PDE1A: variants seen among roughly 807,000 people sequenced by gnomAD.
PDE1A encodes the protein dual specificity calcium/calmodulin-dependent 3',5'-cyclic nucleotide phosphodiesterase 1A.
Under a neutral mutation model 61.7 loss-of-function variants are expected in PDE1A, and 35 were observed. That is an observed-to-expected ratio of 0.57 (90% confidence interval 0.43 to 0.75). The LOEUF (loss-of-function observed/expected upper bound fraction) is 0.75. PDE1A is among the 30% of genes least tolerant of loss of function. PDE1A has a pLI of 0.00. For missense variants in PDE1A, 597 were observed against 630.6 expected, an observed-to-expected ratio of 0.95 and a Z score of 0.57; for synonymous variants, 232 against 213.2, an observed-to-expected ratio of 1.09 and a Z score of -0.77.
chr2:182,627,070 T>G, the PDE1A span, among the ~76,000 whole-genome samples: 47 of 3,984 alleles, frequency 0.012, 8 homozygotes, highest in African/African-American at 0.034. Flanking sequence ...AATATATTAT[T>G]TATATATAAT....
chr2:182,573,790 A>G, the PDE1A span, among the ~76,000 whole-genome samples: 1 of 149,442 alleles, frequency 6.7e-6, no homozygotes, highest in Non-Finnish European at 1.5e-5. Context: ...CATATAATAT[A>G]TAAAATTCTA....
the PDE1A span, among the ~76,000 whole-genome samples, chr2:182,608,341 C>G: frequency 1.3e-5 from 2 of 152,390 alleles, no homozygotes; most frequent in East Asian, 1.9e-4. Flanking sequence ...GGCTCGCTCT[C>G]GGCGCCTCCT....
chr2:182,247,003 G>A (rs956878211), intron 2 of PDE1A, among the ~76,000 whole-genome samples: 34 of 152,146 alleles, frequency 2.2e-4, no homozygotes, highest in African/African-American at 7.7e-4. Flanking sequence ...GGATGGAAAT[G>A]GTAGAAGTTT....
chr2:182,421,519 T>C (rs1703277904), intron 1 of PDE1A, among the ~76,000 whole-genome samples: 1 of 152,252 alleles, frequency 6.6e-6, no homozygotes, highest in South Asian at 2.1e-4. Flanking sequence ...CAACACTTGC[T>C]ACTGCTGCTG....
the PDE1A span, among the ~76,000 whole-genome samples, chr2:182,536,503 T>C: frequency 1.3e-5 from 2 of 152,166 alleles, no homozygotes; most frequent in African/African-American, 4.8e-5. Flanking sequence ...CAAAACCTGA[T>C]TGATCAGCAG....
At chr2:182,374,871 A>G (rs975146234) in intron 1 of PDE1A, among the ~76,000 whole-genome samples, 5 of 152,222 alleles carry the variant, frequency 3.3e-5, no homozygotes, top group African/African-American at 1.2e-4. Context: ...ACAGTTGCAT[A>G]TGGCTGGGGA....
At chr2:182,517,769 G>A (rs1423168726) in intron 2 of PDE1A, among the ~76,000 whole-genome samples, 1 of 152,080 alleles carries the variant, frequency 6.6e-6, no homozygotes, top group Non-Finnish European at 1.5e-5. Flanking sequence ...TCCTGATAAG[G>A]AAATGCCCTG....
the PDE1A span, among the ~76,000 whole-genome samples, chr2:182,585,425 A>C: frequency 6.6e-6 from 1 of 152,216 alleles, no homozygotes; most frequent in East Asian, 1.9e-4. Flanking sequence ...GAACCACAGA[A>C]AGTGATCGTA....
intron 1 of PDE1A, among the ~76,000 whole-genome samples, chr2:182,365,287 T>C (rs1167153614): frequency 1.3e-5 from 2 of 151,992 alleles, no homozygotes; most frequent in South Asian, 2.1e-4. Context: ...ACGGTGAATA[T>C]AGGTGATTCC....
downstream of PDE1A, chr2:182,143,152 G>A (rs1690308396): frequency 6.6e-6 from 1 of 152,140 alleles, no homozygotes; most frequent in Non-Finnish European, 1.5e-5. Flanking sequence ...ATCAGTTCAA[G>A]GGTCTACTGT....
the PDE1A span, among the ~76,000 whole-genome samples, chr2:182,670,565 T>A: frequency 6.6e-6 from 1 of 152,198 alleles, no homozygotes; most frequent in Non-Finnish European, 1.5e-5. Context: ...GGGGATCTTG[T>A]TAATATTCCT....
At chr2:182,624,249 A>C in the PDE1A span, among the ~76,000 whole-genome samples, 1 of 152,192 alleles carries the variant, frequency 6.6e-6, no homozygotes, top group Non-Finnish European at 1.5e-5. Context: ...CTCCTGATTT[A>C]AAATACGTAA....
intron 1 of PDE1A, among the ~76,000 whole-genome samples, chr2:182,422,565 G>T (rs1352387297): frequency 6.6e-6 from 1 of 152,120 alleles, no homozygotes; most frequent in Non-Finnish European, 1.5e-5. Context: ...TATCACAAGG[G>T]AATATAGAAA....
At chr2:182,641,561 T>A in the PDE1A span, among the ~76,000 whole-genome samples, 1 of 152,168 alleles carries the variant, frequency 6.6e-6, no homozygotes, top group Non-Finnish European at 1.5e-5. Context: ...TTCATCTCAT[T>A]TATAAAATGA....
intron 7 of PDE1A, among the ~76,000 whole-genome samples, chr2:182,214,407 C>T (rs1314144679): frequency 1.3e-5 from 2 of 151,724 alleles, no homozygotes; most frequent in Admixed American, 6.6e-5. Flanking sequence ...CAAATTCACA[C>T]ATAACAATAT....
Position 182,508,609 on chromosome 2 carries a change from C to T in PDE1A, c.101+13667G>A, listed in dbSNP as rs188923053. On this transcript the variant is annotated intron_variant, in intron 2 of 14. Coordinates refer to the PDE1A transcript ENST00000410103. ...ACTGAATAACAGAATACCTAAGGAG[C>T]CACAAATAAACATCAACAAGTAAAA... is the stretch of plus-strand genomic sequence containing the variant. Among the ~76,000 whole-genome samples the T allele has an allele frequency of 3.8e-3, 574 of 151,516 alleles. 2 individuals carry two copies. The highest frequency in any genetic ancestry group is 0.037 in the Middle Eastern group (11 of 294).
intron 2 of PDE1A, among the ~76,000 whole-genome samples, chr2:182,456,739 T>A (rs983555477): frequency 6.6e-6 from 1 of 152,082 alleles, no homozygotes; most frequent in Non-Finnish European, 1.5e-5. Context: ...CAATCTTTTA[T>A]CAATATGTAC....
chr2:182,164,275 C>T (rs1691534823), downstream of PDE1A, among the ~76,000 whole-genome samples: 1 of 152,106 alleles, frequency 6.6e-6, no homozygotes, highest in Admixed American at 6.6e-5. Flanking sequence ...TCCTCTCTCC[C>T]AGTTTGTACT....
At chr2:182,380,512 C>T (rs902488217) in intron 1 of PDE1A, among the ~76,000 whole-genome samples, 1 of 151,928 alleles carries the variant, frequency 6.6e-6, no homozygotes, top group African/African-American at 2.4e-5. Context: ...TTTTCTGGTT[C>T]GTTTTGAGAA....
Sources: gnomAD v4.1 joint callset for allele counts (sites outside exome capture counted in the v4.1 genomes callset) on GRCh38, gnomAD v4.1.1 for gene constraint, MANE v1.5 for transcripts, NCBI Gene and HGNC (gene_info 2026-07-23, HGNC 2026-07-21) for gene names.